Variants in ANKRD31 observed in about 807,000 individuals in gnomAD.
ANKRD31 encodes the protein ankyrin repeat domain-containing protein 31.
ANKRD31 carries 147 observed loss-of-function variants against 186.0 expected under a neutral mutation model. That is an observed-to-expected ratio of 0.79 (90% confidence interval 0.69 to 0.91). ANKRD31 has a LOEUF of 0.91. ANKRD31 is among the 40% of genes least tolerant of loss of function. The pLI, the probability that ANKRD31 is intolerant of heterozygous loss-of-function variation, is 0.00. For synonymous variants in ANKRD31, 673 were observed against 736.4 expected, an observed-to-expected ratio of 0.91 and a Z score of 1.39; for missense variants, 1,986 against 2,148.8, an observed-to-expected ratio of 0.92 and a Z score of 1.50.
chr5:75,078,848 T>C (rs562504729), intron 25 of ANKRD31, among the ~76,000 whole-genome samples: 1 of 152,298 alleles, frequency 6.6e-6, no homozygotes, highest in East Asian at 1.9e-4. Flanking sequence ...AGAGGAACAA[T>C]AGCCAAATAG....
intron 20 of ANKRD31, among the ~76,000 whole-genome samples, chr5:75,110,507 C>T (rs190870249): frequency 1.7e-3 from 263 of 151,756 alleles, no homozygotes; most frequent in African/African-American, 5.9e-3. Flanking sequence ...GTCAAGAGAT[C>T]GAGACCATCC....
At chr5:75,092,479 C>T (rs1745993383) in intron 22 of ANKRD31, among the ~76,000 whole-genome samples, 1 of 152,120 alleles carries the variant, frequency 6.6e-6, no homozygotes, top group Admixed American at 6.6e-5. Context: ...AGCTTAAGAG[C>T]CATGGGTGGT....
intron 19 of ANKRD31, among the ~76,000 whole-genome samples, chr5:75,116,261 G>C (rs1211603472): frequency 1.7e-4 from 20 of 116,500 alleles, no homozygotes; most frequent in African/African-American, 4.8e-4. Flanking sequence ...GACTGTTGTG[G>C]GGTGGGGGGA....
chr5:75,134,503 GA>G (rs1554077708), intron 17 of ANKRD31, among the ~76,000 whole-genome samples: 5 of 152,144 alleles, frequency 3.3e-5, no homozygotes, highest in Admixed American at 6.5e-5. Flanking sequence ...AACAGGCTCT[GA>G]AATTGAGGCA....
chr5:75,080,535 T>C (rs965233550), intron 25 of ANKRD31, 33 bp downstream of exon 25: 49 of 1,410,298 alleles, frequency 3.5e-5, no homozygotes, highest in Middle Eastern at 1.8e-4. Context: ...CTTATAAAAG[T>C]AAATGGAATT....
chr5:75,101,474 C>T (rs1444257184), intron 22 of ANKRD31, among the ~76,000 whole-genome samples: 7 of 152,062 alleles, frequency 4.6e-5, no homozygotes, highest in South Asian at 2.1e-4. Context: ...GTTGGTCTGC[C>T]TTGGTAGGTT....
chr5:75,195,745 C>T lies in ANKRD31; in HGVS notation c.903G>A (p.Val301=), dbSNP rs1359753140. 1.2e-5 allele frequency: 18 copies of T among 1,537,358 alleles called. No individual in the cohort carries two copies. The highest frequency in any genetic ancestry group is 1.4e-5 in the Non-Finnish European group (16 of 1,146,914). The change falls in exon 7 of 26, where the codon GTG becomes GTA. Residue 301 remains valine (V), a synonymous_variant. Transcript: ENST00000506364. ...CCTCTTTTCTGTGACAGATGGTTTCCACCTTGGCTTCTGACAATGTGTTCA... is the reference window on the plus strand; with the variant it reads ...CCTCTTTTCTGTGACAGATGGTTTCTACCTTGGCTTCTGACAATGTGTTCA... ...EALNTLSEAK[V]ETICHRKEGG...
At chr5:75,076,038 T>G (rs934563198) in intron 25 of ANKRD31, among the ~76,000 whole-genome samples, 1 of 132,454 alleles carries the variant, frequency 7.5e-6, no homozygotes, top group Non-Finnish European at 1.5e-5. Flanking sequence ...GAATGAAACA[T>G]TGCTTACTCT....
chr5:75,091,142 A>G, intron 23 of ANKRD31, 119 bp downstream of exon 23: 3 of 1,128,038 alleles, frequency 2.7e-6, no homozygotes. Context: ...CAGAATGAAC[A>G]CATGAATACA....
chr5:75,106,294 G>A (rs1159382814), intron 21 of ANKRD31, among the ~76,000 whole-genome samples: 1 of 152,088 alleles, frequency 6.6e-6, no homozygotes, highest in South Asian at 2.1e-4. Flanking sequence ...CCCACCATGG[G>A]TCCCTGGACC....
At chr5:75,202,549 AAGCCT>A (rs1016370888) in intron 5 of ANKRD31, among the ~76,000 whole-genome samples, 65 of 152,358 alleles carry the variant, frequency 4.3e-4, no homozygotes, top group Middle Eastern at 3.4e-3. Context: ...ATGGCCAGAG[AAGCCT>A]GGTTTAACTT....
chr5:75,105,595 G>A (rs1385033779), intron 21 of ANKRD31, among the ~76,000 whole-genome samples: 1 of 152,086 alleles, frequency 6.6e-6, no homozygotes, highest in Non-Finnish European at 1.5e-5. Flanking sequence ...GGTAGCAATT[G>A]GTGGCTAAGG....
chr5:75,088,859 A>G (rs988031303), intron 23 of ANKRD31, among the ~76,000 whole-genome samples: 1 of 152,220 alleles, frequency 6.6e-6, no homozygotes, highest in Non-Finnish European at 1.5e-5. Context: ...TTCAAGCTCC[A>G]CAATCGCTAC....
chr5:75,231,099 C>T (rs1757925680), intron 1 of ANKRD31, among the ~76,000 whole-genome samples: 1 of 152,022 alleles, frequency 6.6e-6, no homozygotes, highest in South Asian at 2.1e-4. Flanking sequence ...TATTTTGAGA[C>T]ACAGTCTCTC....
Position 75,146,180 on chromosome 5 carries a change from T to C in ANKRD31, c.3231A>G (p.Ser1077=), listed in dbSNP as rs1435167881. The change falls in exon 14 of 26, where the codon TCA becomes TCG. Residue 1077 remains serine, a synonymous_variant. Coordinates refer to ENST00000506364, the MANE Select transcript of ANKRD31 (RefSeq NM_001372053.1). ...YIDRDQKIIY[S]NEPLSIVAHS... ...GAGCAACTATGGATAAAGGCTCATT[T>C]GAATAAATTATTTTTTGGTCTCTGT... The C allele has an allele frequency of 6.5e-7, 1 of 1,535,746 alleles. No individual in the cohort carries two copies. The highest frequency in any genetic ancestry group is 8.7e-7 in the Non-Finnish European group (1 of 1,146,172).
At chr5:75,120,512 T>C (rs1283727494) in intron 17 of ANKRD31, among the ~76,000 whole-genome samples, 1 of 152,192 alleles carries the variant, frequency 6.6e-6, no homozygotes, top group Non-Finnish European at 1.5e-5. Context: ...ACATACTATA[T>C]GCCAGTGGAT....
intron 23 of ANKRD31, among the ~76,000 whole-genome samples, chr5:75,087,975 G>T (rs999282858): frequency 1.3e-5 from 2 of 152,064 alleles, no homozygotes; most frequent in Admixed American, 1.3e-4. Context: ...CTATTTTCAG[G>T]ATCCAAAACT....
intron 10 of ANKRD31, among the ~76,000 whole-genome samples, chr5:75,174,904 A>T (rs1443633203): frequency 6.6e-6 from 1 of 152,260 alleles, no homozygotes; most frequent in Non-Finnish European, 1.5e-5. Flanking sequence ...ATTGTAAATC[A>T]TGCTACTATA....
intron 3 of ANKRD31, among the ~76,000 whole-genome samples, chr5:75,216,349 A>G (rs1230064265): frequency 6.6e-6 from 1 of 152,178 alleles, no homozygotes; most frequent in African/African-American, 2.4e-5. Flanking sequence ...AAAGCTACCC[A>G]AATGGGTCTG....
Sources: allele counts gnomAD v4.1 joint callset (sites outside exome capture counted in the v4.1 genomes callset), GRCh38; gene constraint gnomAD v4.1.1; transcripts MANE v1.5; gene names NCBI Gene and HGNC (gene_info 2026-07-23, HGNC 2026-07-21).